Variants in SORCS2 observed in about 807,000 individuals in gnomAD.
The protein encoded by SORCS2 is VPS10 domain-containing receptor SorCS2.
In SORCS2, 100 loss-of-function variants were observed where a neutral mutation model predicts 141.6. That is an observed-to-expected ratio of 0.71 (90% CI 0.60 to 0.83). The LOEUF (loss-of-function observed/expected upper bound fraction) is 0.83. SORCS2 is among the 40% of genes least tolerant of loss of function. SORCS2 has a pLI of 0.00. For missense variants in SORCS2, 1,646 were observed against 1,560.2 expected (o/e 1.05, Z -0.93); for synonymous variants, 789 against 676.9 (o/e 1.17, Z -2.57).
intron 1 of SORCS2, among the ~76,000 whole-genome samples, chr4:7,246,727 A>G (rs1037306385): frequency 3.3e-5 from 5 of 152,188 alleles, no homozygotes; most frequent in African/African-American, 9.7e-5. Flanking sequence ...GCACTCTGAG[A>G]TCCGAGCCTT....
chr4:7,449,430 G>C (rs1728300668), intron 2 of SORCS2, among the ~76,000 whole-genome samples: 1 of 99,218 alleles, frequency 1.0e-5, no homozygotes, highest in South Asian at 4.6e-4. Context: ...CGTACAGACT[G>C]ACCAGGAAAC....
chr4:7,637,385 G>A (rs1324692512), intron 3 of SORCS2, among the ~76,000 whole-genome samples: 2 of 152,254 alleles, frequency 1.3e-5, no homozygotes, highest in Non-Finnish European at 2.9e-5. Flanking sequence ...GCCCCACCCC[G>A]TCACTCTCTC....
At chr4:7,461,666 C>T (rs4393998) in intron 2 of SORCS2, among the ~76,000 whole-genome samples, 80,583 of 151,970 alleles carry the variant, frequency 0.53, 21,967 homozygotes, top group African/African-American at 0.57. Flanking sequence ...GAAAACCCAG[C>T]GAGGAGCTCT....
chr4:7,376,136 C>A (rs1440549092), intron 1 of SORCS2, among the ~76,000 whole-genome samples: 1 of 152,226 alleles, frequency 6.6e-6, no homozygotes, highest in African/African-American at 2.4e-5. Context: ...CATCTCCATT[C>A]ACGCTGAAGC....
chr4:7,315,457 G>A (rs7685055), intron 1 of SORCS2, among the ~76,000 whole-genome samples: 13,678 of 152,304 alleles, frequency 0.09, 1,432 homozygotes, highest in African/African-American at 0.25. Context: ...CTGACTGGCT[G>A]TCTGCTCTGG....
intron 2 of SORCS2, among the ~76,000 whole-genome samples, chr4:7,440,922 C>G (rs1320657143): frequency 6.6e-6 from 1 of 152,140 alleles, no homozygotes; most frequent in African/African-American, 2.4e-5. Flanking sequence ...AGGAGTGGCT[C>G]TTTGCGGTGG....
At chr4:7,251,392 G>T (rs1336339440) in intron 1 of SORCS2, among the ~76,000 whole-genome samples, 1 of 152,132 alleles carries the variant, frequency 6.6e-6, no homozygotes, top group Non-Finnish European at 1.5e-5. Flanking sequence ...CGTGGAGAGA[G>T]GGTTGGGGGG....
intron 2 of SORCS2, among the ~76,000 whole-genome samples, chr4:7,516,517 G>A (rs1451612397): frequency 3.9e-5 from 6 of 151,974 alleles, no homozygotes; most frequent in East Asian, 3.9e-4. Context: ...TGGCTGTTGC[G>A]TCTGCAGATT....
intron 1 of SORCS2, among the ~76,000 whole-genome samples, chr4:7,231,327 G>T (rs1711867860): frequency 6.6e-6 from 1 of 152,214 alleles, no homozygotes; most frequent in South Asian, 2.1e-4. Flanking sequence ...AGGGCAATGT[G>T]CTTCACTCAG....
chr4:7,644,054 C>T (rs754656013), intron 4 of SORCS2, among the ~76,000 whole-genome samples: 29 of 152,148 alleles, frequency 1.9e-4, no homozygotes, highest in Non-Finnish European at 4.3e-4. Flanking sequence ...GATATGTAAG[C>T]AGAAAAGGGA....
intron 1 of SORCS2, among the ~76,000 whole-genome samples, chr4:7,366,756 A>C (rs1721923265): frequency 6.6e-6 from 1 of 151,728 alleles, no homozygotes; most frequent in African/African-American, 2.4e-5. Context: ...CATGTGTTTC[A>C]TGTCTACCCC....
intron 1 of SORCS2, among the ~76,000 whole-genome samples, chr4:7,295,447 T>C (rs559332812): frequency 6.6e-6 from 1 of 152,144 alleles, no homozygotes; most frequent in African/African-American, 2.4e-5. Flanking sequence ...CTTGGTGCCC[T>C]GTTCCTCGGC....
chr4:7,610,515 G>A (rs372940166), intron 3 of SORCS2, among the ~76,000 whole-genome samples: 8 of 152,120 alleles, frequency 5.3e-5, no homozygotes, highest in Admixed American at 3.3e-4. Context: ...GGCCGGGGAC[G>A]CAGACGAGCA....
intron 8 of SORCS2, among the ~76,000 whole-genome samples, chr4:7,667,445 C>G (rs78626059): frequency 0.01 from 1,546 of 152,332 alleles, 27 homozygotes; most frequent in African/African-American, 0.035. Context: ...CCAGGCTCTT[C>G]CCTCTGCCTG....
intron 2 of SORCS2, among the ~76,000 whole-genome samples, chr4:7,454,140 C>T (rs1467891172): frequency 1.8e-5 from 2 of 113,632 alleles, no homozygotes; most frequent in Admixed American, 9.4e-5. Context: ...GGGTCAGGAG[C>T]TGTGTGTTGG....
At chr4:7,552,592 A>G (rs1428181573) in intron 3 of SORCS2, among the ~76,000 whole-genome samples, 6 of 152,236 alleles carry the variant, frequency 3.9e-5, no homozygotes, top group African/African-American at 1.4e-4. Flanking sequence ...AGGTAGGTAG[A>G]GAAAGCTCAT....
chr4:7,724,562 TG>T (rs1446080968), intron 19 of SORCS2, among the ~76,000 whole-genome samples: 7 of 108,046 alleles, frequency 6.5e-5, no homozygotes, highest in Non-Finnish European at 9.7e-5. Context: ...TGGGAATGGA[TG>T]GTGGTGGTGA....
intron 2 of SORCS2, among the ~76,000 whole-genome samples, chr4:7,515,440 G>A (rs1222331178): frequency 1.3e-5 from 2 of 152,172 alleles, no homozygotes; most frequent in Non-Finnish European, 2.9e-5. Flanking sequence ...GGGTGGCCTT[G>A]GGCAAGCTGG....
intron 26 of SORCS2, 72 bp downstream of exon 26, chr4:7,737,244 T>C: frequency 6.9e-7 from 1 of 1,456,152 alleles, no homozygotes; most frequent in Non-Finnish European, 9.2e-7. Flanking sequence ...CACCCCGCCC[T>C]CCCACAGGCC....
Sources: gnomAD v4.1 joint callset for allele counts (sites outside exome capture counted in the v4.1 genomes callset) on GRCh38, gnomAD v4.1.1 for gene constraint, MANE v1.5 for transcripts, NCBI Gene and HGNC (gene_info 2026-07-23, HGNC 2026-07-21) for gene names.